The following PRP4K variants were observed in gnomAD, a reference collection of about 807,000 sequenced individuals.
PRP4K encodes serine/threonine-protein kinase PRP4 homolog.
the PRP4K span, among the ~76,000 whole-genome samples, chr6:4,052,361 A>G: frequency 6.6e-6 from 1 of 152,200 alleles, no homozygotes; most frequent in Non-Finnish European, 1.5e-5. Context: ...CGGGTTCAAC[A>G]GAGAGTCTCT....
chr6:4,026,019 GA>G, the PRP4K span, among the ~76,000 whole-genome samples: 3 of 152,158 alleles, frequency 2.0e-5, no homozygotes. Flanking sequence ...GTTTGTTTTT[GA>G]GACAGAGTTT....
At chr6:4,048,388 A>G in the PRP4K span, among the ~76,000 whole-genome samples, 97 of 151,956 alleles carry the variant, frequency 6.4e-4, no homozygotes, top group Admixed American at 1.3e-3. Flanking sequence ...CAAAAAAAAA[A>G]AAAAAAAAAG....
At chr6:4,025,614 T>A in the PRP4K span, among the ~76,000 whole-genome samples, 1 of 152,220 alleles carries the variant, frequency 6.6e-6, no homozygotes, top group Non-Finnish European at 1.5e-5. Context: ...TGGAAACTAG[T>A]CACTCATGGG....
At chr6:4,049,145 A>C in the PRP4K span, 1 of 1,512,542 alleles carries the variant, frequency 6.6e-7, no homozygotes, top group Non-Finnish European at 9.1e-7. Context: ...AGTTCATTGT[A>C]ACACCATGCA....
At chr6:4,047,267 A>C in the PRP4K span, 1 of 1,582,600 alleles carries the variant, frequency 6.3e-7, no homozygotes, top group Non-Finnish European at 8.7e-7. Context: ...TTTTAAATCA[A>C]GTGTTAAAAC....
the PRP4K span, chr6:4,040,635 A>G: frequency 3.2e-6 from 3 of 931,688 alleles, no homozygotes; most frequent in East Asian, 2.9e-5. Flanking sequence ...AATAGACTAT[A>G]TTTTAGAAGA....
At chr6:4,057,957 A>G in the PRP4K span, among the ~76,000 whole-genome samples, 1 of 152,132 alleles carries the variant, frequency 6.6e-6, no homozygotes, top group African/African-American at 2.4e-5. Context: ...CTGAATTTCT[A>G]AAGATTTACA....
the PRP4K span, among the ~76,000 whole-genome samples, chr6:4,059,864 C>T: frequency 6.6e-6 from 1 of 152,116 alleles, no homozygotes; most frequent in Non-Finnish European, 1.5e-5. Flanking sequence ...AGGCTGGTCT[C>T]GAATTCCTGA....
At chr6:4,057,085 C>T in the PRP4K span, 3 of 1,610,014 alleles carry the variant, frequency 1.9e-6, no homozygotes, top group Non-Finnish European at 2.5e-6. Context: ...CTGTAGGTTG[C>T]ACCTTATACG....
chr6:4,036,068 CA>C, the PRP4K span, among the ~76,000 whole-genome samples: 1 of 152,030 alleles, frequency 6.6e-6, no homozygotes, highest in African/African-American at 2.4e-5. Context: ...TAGTTGTGAC[CA>C]AACCTGGAAT....
At chr6:4,044,680 T>C in the PRP4K span, among the ~76,000 whole-genome samples, 1 of 152,026 alleles carries the variant, frequency 6.6e-6, no homozygotes, top group Non-Finnish European at 1.5e-5. Flanking sequence ...AGCCCTTTAG[T>C]ATTCAATATA....
the PRP4K span, chr6:4,057,206 C>T: frequency 6.2e-7 from 1 of 1,603,732 alleles, no homozygotes; most frequent in Non-Finnish European, 8.5e-7. Context: ...TTAGCATGAG[C>T]TTCTTTAAGG....
the PRP4K span, among the ~76,000 whole-genome samples, chr6:4,036,576 C>T: frequency 6.6e-6 from 1 of 151,936 alleles, no homozygotes; most frequent in Non-Finnish European, 1.5e-5. Flanking sequence ...GCTGCAGTGG[C>T]ACAAACACAG....
chr6:4,049,502 C>T, the PRP4K span: 2 of 508,490 alleles, frequency 3.9e-6, no homozygotes, highest in East Asian at 6.4e-5. Context: ...TTAAAATCAT[C>T]AGCAGTTGAT....
the PRP4K span, among the ~76,000 whole-genome samples, chr6:4,030,415 C>T: frequency 3.5e-4 from 54 of 152,288 alleles, no homozygotes; most frequent in African/African-American, 1.2e-3. Context: ...CCATAGCTTC[C>T]TCCAAAAATA....
chr6:4,037,605 CTGAA>C, the PRP4K span: 1 of 1,587,396 alleles, frequency 6.3e-7, no homozygotes, highest in African/African-American at 1.4e-5. Flanking sequence ...TCATTAAACT[CTGAA>C]TGTTTTTGAA....
the PRP4K span, among the ~76,000 whole-genome samples, chr6:4,059,295 G>T: frequency 6.6e-6 from 1 of 152,260 alleles, no homozygotes; most frequent in African/African-American, 2.4e-5. Flanking sequence ...GCCAGAAGGC[G>T]TGCTGGTTCA....
chr6:4,032,740 G>A, the PRP4K span: 6 of 1,570,302 alleles, frequency 3.8e-6, no homozygotes, highest in South Asian at 1.2e-5. Context: ...GAGAGGAGAC[G>A]ACTTTCTTCT....
the PRP4K span, among the ~76,000 whole-genome samples, chr6:4,053,468 C>T: frequency 1.3e-5 from 2 of 152,166 alleles, no homozygotes; most frequent in African/African-American, 2.4e-5. Context: ...CAGCCTCTGA[C>T]GGACCCCAGT....
Sources: allele counts gnomAD v4.1 joint callset (sites outside exome capture counted in the v4.1 genomes callset), GRCh38; gene constraint gnomAD v4.1.1; transcripts MANE v1.5; gene names NCBI Gene and HGNC (gene_info 2026-07-23, HGNC 2026-07-21).